SLC25A26: variants seen among roughly 807,000 people sequenced by gnomAD.
SLC25A26 encodes the protein mitochondrial S-adenosylmethionine carrier protein.
A neutral mutation model predicts 37.8 loss-of-function variants in SLC25A26; 36 were observed. The observed-to-expected ratio is 0.95, with a 90% CI of 0.73 to 1.26. SLC25A26 has a LOEUF of 1.26. Among genes scored for constraint, SLC25A26 ranks in the 50% most tolerant of loss-of-function variants. SLC25A26 has a pLI of 0.00. For synonymous variants in SLC25A26, 129 were observed against 122.5 expected (o/e 1.05, Z -0.35); for missense variants, 390 against 331.1 (o/e 1.18, Z -1.38).
At chr3:66,342,838 G>A (rs2076240100) in intron 5 of SLC25A26, among the ~76,000 whole-genome samples, 1 of 152,090 alleles carries the variant, frequency 6.6e-6, no homozygotes, top group Admixed American at 6.6e-5. Context: ...GTCTTTGATG[G>A]TAGCTGGGTT....
chr3:66,315,525 G>A (rs545038965), intron 5 of SLC25A26, among the ~76,000 whole-genome samples: 1 of 152,282 alleles, frequency 6.6e-6, no homozygotes, highest in Admixed American at 6.5e-5. Context: ...TTGCTCACAA[G>A]TGATTTTCTT....
intron 5 of SLC25A26, among the ~76,000 whole-genome samples, chr3:66,342,371 G>A (rs1411112870): frequency 1.3e-5 from 2 of 152,100 alleles, no homozygotes; most frequent in South Asian, 4.2e-4. Context: ...GTGGCATTAT[G>A]TTCATTGCAG....
At chr3:66,329,279 A>C (rs1389244104) in intron 5 of SLC25A26, among the ~76,000 whole-genome samples, 1 of 152,094 alleles carries the variant, frequency 6.6e-6, no homozygotes, top group African/African-American at 2.4e-5. Context: ...TCTCTCTGTA[A>C]ATTTCTTTTT....
chr3:66,145,604 A>C (rs2070103862), intron 1 of SLC25A26, among the ~76,000 whole-genome samples: 1 of 152,192 alleles, frequency 6.6e-6, no homozygotes, highest in Non-Finnish European at 1.5e-5. Context: ...TTTAAATACT[A>C]ATCAGTATTG....
intron 9 of SLC25A26, among the ~76,000 whole-genome samples, chr3:66,375,638 T>A (rs897393171): frequency 6.6e-6 from 1 of 152,202 alleles, no homozygotes; most frequent in Non-Finnish European, 1.5e-5. Flanking sequence ...GCACATCTCT[T>A]TACAGCATGC....
At chr3:66,338,940 T>G (rs2076148336) in intron 5 of SLC25A26, among the ~76,000 whole-genome samples, 1 of 152,070 alleles carries the variant, frequency 6.6e-6, no homozygotes, top group Non-Finnish European at 1.5e-5. Flanking sequence ...TAATACTCCA[T>G]CCCGTTGTAT....
At chr3:66,293,760 G>A (rs560497727) in intron 5 of SLC25A26, among the ~76,000 whole-genome samples, 1 of 152,040 alleles carries the variant, frequency 6.6e-6, no homozygotes, top group Non-Finnish European at 1.5e-5. Flanking sequence ...TGGTATATAT[G>A]TACCACATTT....
At chr3:66,200,334 G>C (rs879234780) in intron 1 of SLC25A26, among the ~76,000 whole-genome samples, 3 of 152,056 alleles carry the variant, frequency 2.0e-5, no homozygotes. Flanking sequence ...GGCAGGTGCC[G>C]GGTGGGGTAA....
intron 1 of SLC25A26, among the ~76,000 whole-genome samples, chr3:66,198,698 G>A (rs950844729): frequency 4.6e-5 from 7 of 150,966 alleles, no homozygotes; most frequent in Admixed American, 1.3e-4. Flanking sequence ...CACTGAATCC[G>A]ACCCGCATCT....
At chr3:66,166,010 A>G (rs2070421123) in intron 1 of SLC25A26, among the ~76,000 whole-genome samples, 1 of 148,148 alleles carries the variant, frequency 6.8e-6, no homozygotes, top group South Asian at 2.1e-4. Context: ...ATATTCTCTG[A>G]TATATAAAAT....
chr3:66,252,677 A>G (rs1436791924), intron 3 of SLC25A26, among the ~76,000 whole-genome samples: 1 of 152,212 alleles, frequency 6.6e-6, no homozygotes, highest in Non-Finnish European at 1.5e-5. Flanking sequence ...CCCATTTCAC[A>G]CAAGTTGCTG....
intron 5 of SLC25A26, among the ~76,000 whole-genome samples, chr3:66,277,068 C>G (rs1576775934): frequency 6.6e-6 from 1 of 151,508 alleles, no homozygotes; most frequent in African/African-American, 2.4e-5. Flanking sequence ...TACATATGTA[C>G]ATGGAGTTGT....
chr3:66,293,527 C>G (rs1215239668), intron 5 of SLC25A26, among the ~76,000 whole-genome samples: 1 of 150,652 alleles, frequency 6.6e-6, no homozygotes, highest in African/African-American at 2.4e-5. Flanking sequence ...TTTCCTGATC[C>G]TCTCCCTCCT....
In SLC25A26 at chr3:66,141,039, T is replaced by A. The variant is rs181572787; in HGVS notation, c.-354+7055T>A. ...GAAAGGAGCTATTGTTACACTTCAG[T>A]ATAGAAACAGGACACACACACACAC... On this transcript the variant is annotated intron_variant, in intron 1 of 10. Transcript: ENST00000676754. Among the ~76,000 whole-genome samples, 88 of 142,736 alleles carry A rather than the reference T, an allele frequency of 6.2e-4. 1 individual carries two copies. The East Asian group carries it at 0.017, about 27-fold the overall frequency. The allele number at this position is 142,736 out of a possible 152,430, so 93.6% of individuals were successfully genotyped here.
chr3:66,146,930 G>C (rs2070123329), intron 1 of SLC25A26, among the ~76,000 whole-genome samples: 1 of 152,106 alleles, frequency 6.6e-6, no homozygotes, highest in African/African-American at 2.4e-5. Flanking sequence ...ACAGTATTTG[G>C]TTTTCCATTC....
At chr3:66,347,712 A>G (rs1362814797) in intron 6 of SLC25A26, among the ~76,000 whole-genome samples, 4 of 152,246 alleles carry the variant, frequency 2.6e-5, no homozygotes, top group African/African-American at 7.2e-5. Flanking sequence ...TAGCAAAGAC[A>G]TGGAATCAAC....
At chr3:66,366,800 T>G (rs897302831) in intron 7 of SLC25A26, among the ~76,000 whole-genome samples, 1 of 152,232 alleles carries the variant, frequency 6.6e-6, no homozygotes. Flanking sequence ...AAAGTCATTA[T>G]GTAGTGGAAC....
At chr3:66,295,839 G>A (rs1285309427) in intron 5 of SLC25A26, among the ~76,000 whole-genome samples, 1 of 151,810 alleles carries the variant, frequency 6.6e-6, no homozygotes, top group Non-Finnish European at 1.5e-5. Flanking sequence ...TCCATTTCTT[G>A]TCTGGGCACG....
At chr3:66,236,310 T>C (rs2072282736) in intron 1 of SLC25A26, among the ~76,000 whole-genome samples, 1 of 150,748 alleles carries the variant, frequency 6.6e-6, no homozygotes, top group South Asian at 2.1e-4. Context: ...TAAAAATTGA[T>C]TTAAAAAGAA....
Sources: allele counts gnomAD v4.1 joint callset (sites outside exome capture counted in the v4.1 genomes callset), GRCh38; gene constraint gnomAD v4.1.1; transcripts MANE v1.5; gene names NCBI Gene and HGNC (gene_info 2026-07-23, HGNC 2026-07-21).